The following DLG2 variants were observed in gnomAD, a reference collection of about 807,000 sequenced individuals.
DLG2 encodes discs large MAGUK scaffold protein 2.
A neutral mutation model predicts 132.5 loss-of-function variants in DLG2; 45 were observed. The observed-to-expected ratio is 0.34, with a 90% confidence interval of 0.27 to 0.44. The LOEUF (loss-of-function observed/expected upper bound fraction) is 0.44. Among genes scored for constraint, DLG2 ranks in the 20% least tolerant of loss-of-function variants. The probability of loss-of-function intolerance (pLI) is 1.00; values close to 1 mark genes in which losing one functional copy is unlikely to be tolerated. For missense variants in DLG2, 1,045 were observed against 1,196.9 expected, an observed-to-expected ratio of 0.87 and a Z score of 1.87; for synonymous variants, 424 against 419.6, an observed-to-expected ratio of 1.01 and a Z score of -0.13.
At chr11:83,951,911 T>C (rs2085537965) in intron 14 of DLG2, among the ~76,000 whole-genome samples, 1 of 152,192 alleles carries the variant, frequency 6.6e-6, no homozygotes, top group African/African-American at 2.4e-5. Flanking sequence ...TGTGGCACAT[T>C]GTGGATGTAT....
intron 7 of DLG2, among the ~76,000 whole-genome samples, chr11:84,473,386 T>G (rs1034681657): frequency 6.6e-6 from 1 of 152,010 alleles, no homozygotes; most frequent in African/African-American, 2.4e-5. Context: ...GACATGAAGC[T>G]TCTTGGAGGG....
chr11:83,933,651 T>C (rs2080837962), intron 14 of DLG2, among the ~76,000 whole-genome samples: 1 of 152,078 alleles, frequency 6.6e-6, no homozygotes, highest in African/African-American at 2.4e-5. Flanking sequence ...TGGAGGGAGG[T>C]GCTTCATCTA....
At chr11:83,880,669 G>A (rs1002835831) in intron 15 of DLG2, among the ~76,000 whole-genome samples, 1 of 152,174 alleles carries the variant, frequency 6.6e-6, no homozygotes, top group Non-Finnish European at 1.5e-5. Context: ...AAGGACCACG[G>A]CTCTATTAAC....
intron 6 of DLG2, among the ~76,000 whole-genome samples, chr11:84,600,214 AAGAAAGAAAG>A (rs1350185992): frequency 4.4e-5 from 6 of 136,524 alleles, no homozygotes; most frequent in East Asian, 2.0e-4. Flanking sequence ...GAAAGAAAGA[AAGAAAGAAAG>A]AGAAAGAAAG....
At chr11:83,919,496 C>G (rs1296648713) in intron 15 of DLG2, among the ~76,000 whole-genome samples, 1 of 152,158 alleles carries the variant, frequency 6.6e-6, no homozygotes, top group African/African-American at 2.4e-5. Flanking sequence ...TTGAAATATT[C>G]TATCCATAAT....
intron 18 of DLG2, 36 bp from the exon 19 acceptor site, chr11:83,633,361 G>C: frequency 6.4e-7 from 1 of 1,572,120 alleles, no homozygotes; most frequent in Non-Finnish European, 8.7e-7. Context: ...ATTTTGCTCT[G>C]TGCCCTCAAG....
At chr11:84,470,391 G>T (rs1179735389) in intron 7 of DLG2, among the ~76,000 whole-genome samples, 1 of 151,666 alleles carries the variant, frequency 6.6e-6, no homozygotes. Flanking sequence ...AGCCATGTTA[G>T]GTACTAAAGA....
At chr11:84,834,715 T>C (rs1260162053) in intron 6 of DLG2, among the ~76,000 whole-genome samples, 3 of 150,298 alleles carry the variant, frequency 2.0e-5, no homozygotes, top group Non-Finnish European at 4.4e-5. Flanking sequence ...CATAACTTCA[T>C]AGGAGAGCTG....
chr11:84,874,832 C>A (rs1203612295), intron 6 of DLG2, among the ~76,000 whole-genome samples: 3 of 151,934 alleles, frequency 2.0e-5, no homozygotes, highest in African/African-American at 7.3e-5. Flanking sequence ...ACCAGCCTAG[C>A]CAATATGGTG....
rs1566491969 is a variant in DLG2, at chr11:83,678,565, C to A, written c.1826-45240G>T. 3.3e-5 allele frequency among the ~76,000 whole-genome samples: 5 copies of A among 152,148 alleles called. No homozygotes were observed. In the South Asian group the frequency reaches 1.0e-3, roughly 32 times the overall value. ...TGCAAATAGAAGGCTCTTGGTTTCC[C>A]CTCAGACTCAGGGGCAACGGGTTGG... On this transcript the variant is annotated intron_variant, in intron 18 of 27. Transcript: ENST00000376104.
At chr11:85,610,691 C>A (rs911411139) in intron 2 of DLG2, among the ~76,000 whole-genome samples, 1 of 152,242 alleles carries the variant, frequency 6.6e-6, no homozygotes, top group Non-Finnish European at 1.5e-5. Context: ...ATCTCTTGAA[C>A]TTTCTAGCTA....
chr11:83,740,084 A>T (rs2092381294), intron 18 of DLG2, among the ~76,000 whole-genome samples: 1 of 152,124 alleles, frequency 6.6e-6, no homozygotes, highest in Non-Finnish European at 1.5e-5. Flanking sequence ...TGTGGAAGTA[A>T]ATTCATCTTC....
At chr11:84,239,690 G>A (rs938249321) in intron 8 of DLG2, among the ~76,000 whole-genome samples, 1 of 152,092 alleles carries the variant, frequency 6.6e-6, no homozygotes, top group East Asian at 1.9e-4. Flanking sequence ...AAATTTTTTA[G>A]TGTTCCTACC....
intron 3 of DLG2, among the ~76,000 whole-genome samples, chr11:85,472,986 G>T (rs73503536): frequency 0.01 from 1,578 of 152,340 alleles, 27 homozygotes; most frequent in African/African-American, 0.036. Flanking sequence ...CTGTAACACT[G>T]CCTTTGGGGT....
chr11:83,798,943 A>C (rs1192798087), intron 17 of DLG2, among the ~76,000 whole-genome samples: 1 of 152,218 alleles, frequency 6.6e-6, no homozygotes, highest in Admixed American at 6.5e-5. Context: ...TGCTCTGAAA[A>C]ATGAAGGTGC....
intron 4 of DLG2, among the ~76,000 whole-genome samples, chr11:85,234,375 T>C (rs1382747804): frequency 1.3e-5 from 2 of 152,000 alleles, no homozygotes; most frequent in Admixed American, 6.6e-5. Flanking sequence ...GATGCCATTA[T>C]ACAGCGTGCA....
chr11:84,030,376 C>T (rs2095658792), intron 11 of DLG2, among the ~76,000 whole-genome samples: 1 of 152,042 alleles, frequency 6.6e-6, no homozygotes. Context: ...CCAATTTTCC[C>T]ATATTCAAAA....
intron 18 of DLG2, among the ~76,000 whole-genome samples, chr11:83,710,511 A>T (rs1287138321): frequency 6.6e-6 from 1 of 152,186 alleles, no homozygotes; most frequent in Non-Finnish European, 1.5e-5. Flanking sequence ...GGATAATTTT[A>T]GTATAAGATA....
rs567485789 is a variant in DLG2 at position 83,766,139 on chromosome 11, G to T, written c.1825+20551C>A. On this transcript the variant is annotated intron_variant, in intron 18 of 27. Transcript: ENST00000376104. ...GATGGAGTCTCACTCTGTCACCCAG[G>T]CTGGAGTGCAGTGACGTGATCTCGG... 5.3e-5 allele frequency among the ~76,000 whole-genome samples: 8 copies of T among 150,302 alleles called. No homozygotes were observed. In the South Asian group the frequency reaches 1.7e-3, roughly 32 times the overall value.
Sources: allele counts gnomAD v4.1 joint callset (sites outside exome capture counted in the v4.1 genomes callset), GRCh38; gene constraint gnomAD v4.1.1; transcripts MANE v1.5; gene names NCBI Gene and HGNC (gene_info 2026-07-23, HGNC 2026-07-21).